ZNF385D: variants seen among roughly 807,000 people sequenced by gnomAD.
The protein encoded by ZNF385D is zinc finger protein 659.
ZNF385D carries 15 observed loss-of-function variants against 35.8 expected under a neutral mutation model. The ratio of observed to expected loss-of-function variants is 0.42; its 90% CI spans 0.28 to 0.64. The LOEUF is 0.64. Among genes scored for constraint, ZNF385D ranks in the 30% least tolerant of loss-of-function variants. The pLI is 0.23. For synonymous variants in ZNF385D, 212 were observed against 186.8 expected (o/e 1.13, Z -1.10); for missense variants, 474 against 494.6 (o/e 0.96, Z 0.39).
chr3:21,908,150 CTATCTATCTATCTA>C (rs1559743410), intron 3 of ZNF385D, among the ~76,000 whole-genome samples: 1 of 150,408 alleles, frequency 6.6e-6, no homozygotes, highest in East Asian at 1.9e-4. Flanking sequence ...ATCTATCTAT[CTATCTATCTATCTA>C]TCTATCTATA....
chr3:21,896,417 C>T (rs773298936), intron 3 of ZNF385D, among the ~76,000 whole-genome samples: 1 of 152,134 alleles, frequency 6.6e-6, no homozygotes, highest in Non-Finnish European at 1.5e-5. Flanking sequence ...TTCTCTGCCT[C>T]CCTTAACACT....
chr3:21,440,973 A>G (rs1281242870), intron 4 of ZNF385D, among the ~76,000 whole-genome samples: 1 of 152,104 alleles, frequency 6.6e-6, no homozygotes, highest in Non-Finnish European at 1.5e-5. Flanking sequence ...GTATTATCTT[A>G]CCTGCAGTTA....
intron 1 of ZNF385D, among the ~76,000 whole-genome samples, chr3:21,741,707 A>G (rs1388900128): frequency 6.6e-6 from 1 of 152,164 alleles, no homozygotes; most frequent in African/African-American, 2.4e-5. Flanking sequence ...ATGGAGGAAT[A>G]GATAAAAATC....
intron 1 of ZNF385D, among the ~76,000 whole-genome samples, chr3:21,729,301 G>T (rs2068894458): frequency 1.3e-5 from 2 of 152,058 alleles, no homozygotes; most frequent in Admixed American, 6.6e-5. Context: ...GCTTATTAAG[G>T]CATCTTTCTT....
chr3:21,550,236 C>G (rs2062519761), intron 3 of ZNF385D, among the ~76,000 whole-genome samples: 1 of 152,084 alleles, frequency 6.6e-6, no homozygotes, highest in Admixed American at 6.5e-5. Context: ...AACAGCATTT[C>G]CTTTAAACAT....
At chr3:21,952,342 C>G (rs1358428864) in intron 3 of ZNF385D, among the ~76,000 whole-genome samples, 1 of 151,782 alleles carries the variant, frequency 6.6e-6, no homozygotes, top group Non-Finnish European at 1.5e-5. Context: ...CCTAAGACAC[C>G]ATAAAATTTT....
intron 3 of ZNF385D, among the ~76,000 whole-genome samples, chr3:22,064,652 T>A (rs989132929): frequency 2.0e-5 from 3 of 152,176 alleles, no homozygotes; most frequent in Admixed American, 1.3e-4. Context: ...CAGATGAACC[T>A]GGAGGACCTT....
At chr3:22,232,212 AT>A (rs1336917512) in intron 2 of ZNF385D, among the ~76,000 whole-genome samples, 1 of 152,158 alleles carries the variant, frequency 6.6e-6, no homozygotes, top group African/African-American at 2.4e-5. Flanking sequence ...TGGAATCATT[AT>A]CCCCCTACCT....
At chr3:22,074,342 G>C (rs928541915) in intron 3 of ZNF385D, among the ~76,000 whole-genome samples, 1 of 151,968 alleles carries the variant, frequency 6.6e-6, no homozygotes, top group African/African-American at 2.4e-5. Flanking sequence ...TGTTTCAATA[G>C]CTGTAATTCT....
chr3:22,173,681 C>A (rs145529448), intron 2 of ZNF385D, among the ~76,000 whole-genome samples: 16 of 152,174 alleles, frequency 1.1e-4, no homozygotes, highest in African/African-American at 3.9e-4. Flanking sequence ...GCTTCATGTG[C>A]GGTCCACCAT....
chr3:22,101,250 T>G (rs373517141), intron 3 of ZNF385D, among the ~76,000 whole-genome samples: 5 of 152,016 alleles, frequency 3.3e-5, no homozygotes, highest in African/African-American at 1.2e-4. Flanking sequence ...ATGCTTACCT[T>G]GTGGGAAAGT....
At chr3:22,281,408 C>T (rs1701733390) in intron 2 of ZNF385D, among the ~76,000 whole-genome samples, 1 of 151,980 alleles carries the variant, frequency 6.6e-6, no homozygotes, top group Admixed American at 6.6e-5. Flanking sequence ...AAGATATGTC[C>T]CTTCTATGCC....
intron 4 of ZNF385D, among the ~76,000 whole-genome samples, chr3:21,501,381 C>T (rs1020479525): frequency 2.0e-5 from 3 of 152,174 alleles, no homozygotes; most frequent in African/African-American, 7.2e-5. Flanking sequence ...ATATCAATGC[C>T]ATGTAATGGA....
At chr3:21,512,186 T>C (rs1411031712) in intron 3 of ZNF385D, among the ~76,000 whole-genome samples, 3 of 147,962 alleles carry the variant, frequency 2.0e-5, no homozygotes, top group Admixed American at 2.0e-4. Flanking sequence ...AGATAGAAAG[T>C]CATATTTAAA....
chr3:22,281,374 G>A (rs1701731657), intron 2 of ZNF385D, among the ~76,000 whole-genome samples: 1 of 152,070 alleles, frequency 6.6e-6, no homozygotes, highest in African/African-American at 2.4e-5. Flanking sequence ...CTATGGGTTT[G>A]TAATACATGG....
intron 3 of ZNF385D, among the ~76,000 whole-genome samples, chr3:21,544,596 T>A (rs1356053667): frequency 6.6e-6 from 1 of 152,172 alleles, no homozygotes; most frequent in Non-Finnish European, 1.5e-5. Flanking sequence ...TGTGAACATA[T>A]TGACTGAATT....
At chr3:21,878,488 C>A (rs1307754744) in intron 3 of ZNF385D, among the ~76,000 whole-genome samples, 1 of 151,806 alleles carries the variant, frequency 6.6e-6, no homozygotes, top group Admixed American at 6.6e-5. Context: ...GTGTATCATA[C>A]GTTGAAAATC....
At chr3:22,238,134 T>C (rs1380075422) in intron 2 of ZNF385D, among the ~76,000 whole-genome samples, 1 of 151,228 alleles carries the variant, frequency 6.6e-6, no homozygotes. Context: ...GATTTATTTC[T>C]GCACTCTCAA....
intron 3 of ZNF385D, among the ~76,000 whole-genome samples, chr3:22,088,904 G>T (rs918436225): frequency 1.3e-5 from 2 of 152,142 alleles, no homozygotes; most frequent in Admixed American, 1.3e-4. Flanking sequence ...AAGACCGTAA[G>T]GAAGCAGAGA....
Sources: allele counts gnomAD v4.1 joint callset (sites outside exome capture counted in the v4.1 genomes callset), GRCh38; gene constraint gnomAD v4.1.1; transcripts MANE v1.5; gene names NCBI Gene and HGNC (gene_info 2026-07-23, HGNC 2026-07-21).